SYDE2: variants seen among roughly 807,000 people sequenced by gnomAD.
SYDE2 encodes the protein rho GTPase-activating protein SYDE2.
A neutral mutation model predicts 91.5 loss-of-function variants in SYDE2; 76 were observed. That is an observed-to-expected ratio of 0.83 (90% confidence interval 0.69 to 1.01). SYDE2 has a LOEUF of 1.01. Among genes scored for constraint, SYDE2 ranks in the 50% least tolerant of loss-of-function variants. The pLI is 0.00. For missense variants in SYDE2, 1,364 were observed against 1,367.7 expected (o/e 1.00, Z 0.04); for synonymous variants, 513 against 506.4 (o/e 1.01, Z -0.18).
In SYDE2 at chr1:85,171,678, T is replaced by C. The variant is rs1271278080; in HGVS notation, c.2672-2453A>G. Among the ~76,000 whole-genome samples the C allele has an allele frequency of 6.6e-5, 10 of 152,078 alleles. 1 individual carries two copies. The highest frequency in any genetic ancestry group is 2.4e-4 in the African/African-American group (10 of 41,400). On this transcript the variant is annotated intron_variant, in intron 4 of 6. Transcript: ENST00000341460. ...ACAAATTTGTCTTATGTTTAGACAA[T>C]GGGGTTTTGTAACCAGGTATAGAAA...
chr1:85,161,096 C>G, intron 6 of SYDE2: 1 of 985,316 alleles, frequency 1.0e-6, no homozygotes, highest in Non-Finnish European at 1.2e-6. Flanking sequence ...GTTTTCCCAT[C>G]ACTGTTGACT....
Position 85,176,203 on chromosome 1 carries a change from A to C in SYDE2, c.2671+1943T>G, listed in dbSNP as rs187532640. ...AAAACTTCTCTTTCATGGATTCATAAAATGAGTCTTTTGCTGATTTTGTTA... is the reference window on the plus strand; with the variant it reads ...AAAACTTCTCTTTCATGGATTCATACAATGAGTCTTTTGCTGATTTTGTTA... On this transcript the variant is annotated intron_variant, in intron 4 of 6. Coordinates refer to ENST00000341460, the MANE Select transcript of SYDE2 (RefSeq NM_032184.2). 1.1e-3 allele frequency among the ~76,000 whole-genome samples: 151 copies of C among 135,714 alleles called. 1 individual carries two copies. The highest frequency in any genetic ancestry group is 6.6e-3 in the East Asian group (34 of 5,190). 89.0% of individuals were successfully genotyped at this position (135,714 alleles called of 152,430 possible).
rs542472758 is a variant in SYDE2, at chr1:85,195,667, AAAG to A, written c.745+4582_745+4584del. Among the ~76,000 whole-genome samples, 16 of 152,316 alleles carry A rather than the reference AAAG, an allele frequency of 1.1e-4. No individual in the cohort carries two copies. In the South Asian group the frequency reaches 2.1e-3, roughly 20 times the overall value. On this transcript the variant is annotated intron_variant, in intron 1 of 6. Transcript: ENST00000341460. ...TCCACAAAAGTAACAGGGAGCAGCA[AAAG>A]AAAGGAGCACAAAAGATGAGCAGAA...
At chr1:85,185,767 T>C (rs906095079) in intron 2 of SYDE2, among the ~76,000 whole-genome samples, 49 of 151,688 alleles carry the variant, frequency 3.2e-4, no homozygotes, top group African/African-American at 1.1e-3. Flanking sequence ...TGACTTCCTC[T>C]TTTCCTAATT....
In SYDE2 at chr1:85,182,924, T is replaced by G. The variant is rs772182893; in HGVS notation, c.1718A>C (p.Asp573Ala). The change falls in exon 3 of 7, where the codon GAT becomes GCT. Residue 573 changes from aspartate to alanine, a missense_variant. Asp to Ala is a moderately radical substitution (Grantham distance 126). Coordinates refer to ENST00000341460, the MANE Select transcript of SYDE2 (RefSeq NM_032184.2). ...GGTTGTGTTCCCAGAGGGCAGAATATCAGTATGATGAACTTCTCGGCAGTT... is the reference window on the plus strand; with the variant it reads ...GGTTGTGTTCCCAGAGGGCAGAATAGCAGTATGATGAACTTCTCGGCAGTT... The part of the protein sequence containing the change: ...KYNCREVHHT[D>A]ILPSGNTTTA... 1.2e-6 allele frequency: 2 copies of G among 1,613,848 alleles called. No homozygotes were observed. The highest frequency in any genetic ancestry group is 2.2e-5 in the South Asian group (2 of 91,066).
At position 85,169,127 on chromosome 1, in the gene SYDE2, T is replaced by C; in HGVS notation, c.2770A>G (p.Met924Val). ...TCATTCTCACAACCATTTGATGACA[T>C]TTTCAAAGGACTTTTTGCCATTGCA... ...LDAMAKSPLK[M>V]SSNGCENDPG... Residue 924 changes from methionine (M) to valine (V), a missense_variant, in exon 5 of 7, where the codon ATG becomes GTG. By Grantham distance (21) the Met-to-Val change is conservative (BLOSUM62 1). Transcript: ENST00000341460. The C allele has an allele frequency of 6.2e-7, 1 of 1,613,880 alleles. No homozygotes were observed. Among genetic ancestry groups the C allele is most frequent in the Non-Finnish European group, 8.5e-7 (1 of 1,179,806 alleles).
intron 1 of SYDE2, among the ~76,000 whole-genome samples, chr1:85,196,778 C>A (rs551397112): frequency 6.6e-6 from 1 of 152,114 alleles, no homozygotes; most frequent in Admixed American, 6.5e-5. Flanking sequence ...TTATGCAATT[C>A]ATAAAGATAA....
At position 85,200,470 on chromosome 1, in the gene SYDE2, T is replaced by C; in HGVS notation, c.527A>G (p.Glu176Gly). The change falls in exon 1 of 7, where the codon GAA (glutamate) becomes GGA (glycine). Residue 176 changes from glutamate to glycine, a missense_variant. By Grantham distance (98) the Glu-to-Gly change is moderately conservative (BLOSUM62 -2). Transcript: ENST00000341460. ...CGGCGGCCTGAGGAAGGAGGGGCCT[T>C]CCTGGCGGTCTCCTTTGCCACTGCG... Reference protein sequence around the residue: ...VIRSGKGDRQEGPSFLRPPAV... With the variant: ...VIRSGKGDRQGGPSFLRPPAV... 1 of 1,613,926 alleles carries C rather than the reference T, an allele frequency of 6.2e-7. No individual in the cohort carries two copies. Among genetic ancestry groups the C allele is most frequent in the Non-Finnish European group, 8.5e-7 (1 of 1,179,882 alleles).
chr1:85,161,672 G>C (rs1657063791), intron 6 of SYDE2, among the ~76,000 whole-genome samples: 1 of 148,878 alleles, frequency 6.7e-6, no homozygotes, highest in South Asian at 2.1e-4. Flanking sequence ...GTTTCAGTGA[G>C]TCAAGATTGC....
chr1:85,190,947 C>A (rs771136445), intron 1 of SYDE2, among the ~76,000 whole-genome samples, 195 bp from the exon 2 acceptor site: 2 of 152,010 alleles, frequency 1.3e-5, no homozygotes, highest in Non-Finnish European at 2.9e-5. Flanking sequence ...AATCAAACTG[C>A]TAGTACAAGT....
intron 1 of SYDE2, among the ~76,000 whole-genome samples, chr1:85,197,334 A>T (rs1420397703): frequency 6.6e-6 from 1 of 152,232 alleles, no homozygotes; most frequent in Non-Finnish European, 1.5e-5. Flanking sequence ...TTTGTCATAT[A>T]GTCTCAAAAA....
chr1:85,172,832 G>A (rs1657550212), intron 4 of SYDE2, among the ~76,000 whole-genome samples: 2 of 152,156 alleles, frequency 1.3e-5, no homozygotes, highest in South Asian at 4.1e-4. Flanking sequence ...CATGACTCAG[G>A]AAATCAGCAA....
intron 5 of SYDE2, among the ~76,000 whole-genome samples, chr1:85,167,164 T>C (rs1304622885): frequency 6.9e-6 from 1 of 145,842 alleles, no homozygotes; most frequent in African/African-American, 2.6e-5. Context: ...CAGTGAGCTG[T>C]GTTTGCACCA....
In SYDE2 at chr1:85,182,498, C is replaced by T; in HGVS notation, c.2144G>A (p.Arg715Lys). 2 of 1,613,802 alleles carry T rather than the reference C, an allele frequency of 1.2e-6. No homozygotes were observed. Among genetic ancestry groups the T allele is most frequent in the Non-Finnish European group, 8.5e-7 (1 of 1,179,818 alleles). Residue 715 changes from arginine to lysine, a missense_variant, in exon 3 of 7, where the codon AGA (arginine) becomes AAA (lysine). Coordinates refer to ENST00000341460, the MANE Select transcript of SYDE2 (RefSeq NM_032184.2). Reference sequence around the variant, plus strand: ...TGTTCGGCATGTGAGCAAAGCTGTTCTTGCTTTGTTTACTGAATCTACCTG... The same window carrying T: ...TGTTCGGCATGTGAGCAAAGCTGTTTTTGCTTTGTTTACTGAATCTACCTG... ...AIQVDSVNKA[R>K]TALLTCRTTF...
Position 85,190,753 on chromosome 1 carries a change from C to T in SYDE2, c.746-1G>A. ...GACCCATAGGCATTTTCAAATAAAT[C>T]TGTTGCAAAGATAGAATAGAAGGTA... is the stretch of plus-strand genomic sequence containing the variant. On this transcript the variant is annotated splice_acceptor_variant, in intron 1 of 6. Transcript: ENST00000341460. LOFTEE classifies it high-confidence loss of function. 1 of 1,588,318 alleles carries T rather than the reference C, an allele frequency of 6.3e-7. No homozygotes were observed. Among genetic ancestry groups the T allele is most frequent in the African/African-American group, 1.4e-5 (1 of 73,748 alleles).
chr1:85,156,051 TAA>T (rs1656874609), downstream of SYDE2, among the ~76,000 whole-genome samples: 1 of 152,130 alleles, frequency 6.6e-6, no homozygotes, highest in Non-Finnish European at 1.5e-5. Flanking sequence ...TGAAGTGAGA[TAA>T]ACTGTTTATC....
intron 2 of SYDE2, among the ~76,000 whole-genome samples, chr1:85,186,203 T>C (rs1057372873): frequency 6.6e-6 from 1 of 152,216 alleles, no homozygotes; most frequent in African/African-American, 2.4e-5. Flanking sequence ...TTTGCCAGTA[T>C]TTTATTGAGC....
chr1:85,198,118 T>C (rs1356355170), intron 1 of SYDE2, among the ~76,000 whole-genome samples: 2 of 152,202 alleles, frequency 1.3e-5, no homozygotes, highest in Non-Finnish European at 2.9e-5. Flanking sequence ...TAAAGAACTC[T>C]AGAGTCTCTG....
chr1:85,174,486 A>G (rs895175916), intron 4 of SYDE2, among the ~76,000 whole-genome samples: 2 of 152,230 alleles, frequency 1.3e-5, no homozygotes, highest in Non-Finnish European at 2.9e-5. Context: ...AGAAGACTGA[A>G]TATGCACATA....
Sources: allele counts gnomAD v4.1 joint callset (sites outside exome capture counted in the v4.1 genomes callset), GRCh38; gene constraint gnomAD v4.1.1; transcripts MANE v1.5; gene names NCBI Gene and HGNC (gene_info 2026-07-23, HGNC 2026-07-21).